ACOXL: variants seen among roughly 807,000 people sequenced by gnomAD.
ACOXL encodes acyl-CoA oxidase like.
ACOXL carries 70 observed loss-of-function variants against 71.9 expected under a neutral mutation model. The ratio of observed to expected loss-of-function variants is 0.97; its 90% CI spans 0.80 to 1.19. ACOXL has a LOEUF of 1.19. ACOXL is among the 50% of genes most tolerant of loss of function. The probability of loss-of-function intolerance (pLI) is 0.00; values close to 1 mark genes in which losing one functional copy is unlikely to be tolerated. For synonymous variants in ACOXL, 253 were observed against 281.6 expected (o/e 0.90, Z 1.02); for missense variants, 703 against 736.3 (o/e 0.95, Z 0.52).
intron 10 of ACOXL, among the ~76,000 whole-genome samples, chr2:110,898,768 G>A (rs1410931781): frequency 6.6e-6 from 1 of 152,110 alleles, no homozygotes; most frequent in African/African-American, 2.4e-5. Flanking sequence ...GAAATGAAAA[G>A]CATATAGATT....
At chr2:111,114,496 G>A (rs1437631675) in intron 17 of ACOXL, among the ~76,000 whole-genome samples, 1 of 152,130 alleles carries the variant, frequency 6.6e-6, no homozygotes, top group Non-Finnish European at 1.5e-5. Context: ...CTAATGAAGG[G>A]ACATTTCAAG....
intron 14 of ACOXL, among the ~76,000 whole-genome samples, chr2:111,013,944 C>T (rs1033636274): frequency 4.6e-5 from 7 of 152,200 alleles, no homozygotes; most frequent in African/African-American, 1.4e-4. Flanking sequence ...ATAGTCAAAA[C>T]ATGTCAATAA....
intron 1 of ACOXL, among the ~76,000 whole-genome samples, chr2:110,754,160 C>T (rs1171647345): frequency 6.6e-6 from 1 of 150,412 alleles, no homozygotes; most frequent in African/African-American, 2.5e-5. Flanking sequence ...ACAGCCTCAA[C>T]ATCCTGGGAT....
intron 15 of ACOXL, among the ~76,000 whole-genome samples, chr2:111,046,405 C>G (rs1279864887): frequency 1.3e-5 from 2 of 152,182 alleles, no homozygotes; most frequent in Non-Finnish European, 1.5e-5. Flanking sequence ...TTAGTTCTTT[C>G]TCATGCTGCT....
At chr2:110,946,048 G>T (rs2061095905) in intron 12 of ACOXL, among the ~76,000 whole-genome samples, 1 of 152,130 alleles carries the variant, frequency 6.6e-6, no homozygotes, top group Non-Finnish European at 1.5e-5. Flanking sequence ...AATTCTTATT[G>T]TAGAGATCTT....
intron 10 of ACOXL, among the ~76,000 whole-genome samples, chr2:110,877,464 A>G (rs1005188464): frequency 1.3e-5 from 2 of 152,222 alleles, no homozygotes; most frequent in Non-Finnish European, 2.9e-5. Context: ...TTAACAAGAA[A>G]TCACATTTCT....
At chr2:111,040,788 C>T (rs1427020654) in intron 15 of ACOXL, among the ~76,000 whole-genome samples, 1 of 152,102 alleles carries the variant, frequency 6.6e-6, no homozygotes, top group African/African-American at 2.4e-5. Flanking sequence ...GCATGAAGTG[C>T]GTGGATGACT....
chr2:111,045,348 T>C (rs1202406305), intron 15 of ACOXL, among the ~76,000 whole-genome samples: 2 of 152,342 alleles, frequency 1.3e-5, no homozygotes, highest in East Asian at 3.9e-4. Context: ...CAACTTGTCA[T>C]GAGGCTTCTC....
chr2:111,058,843 T>C (rs554867781), intron 16 of ACOXL, among the ~76,000 whole-genome samples: 3 of 152,296 alleles, frequency 2.0e-5, no homozygotes, highest in Non-Finnish European at 4.4e-5. Flanking sequence ...ATGGCCACCA[T>C]GAAGGCCCCA....
intron 14 of ACOXL, among the ~76,000 whole-genome samples, chr2:111,027,162 C>T (rs986255874): frequency 6.6e-6 from 1 of 152,026 alleles, no homozygotes; most frequent in Non-Finnish European, 1.5e-5. Context: ...CTCTAAAGTG[C>T]TGGGATTACA....
chr2:110,896,577 T>C (rs2059016281), intron 10 of ACOXL, among the ~76,000 whole-genome samples: 1 of 152,202 alleles, frequency 6.6e-6, no homozygotes, highest in Non-Finnish European at 1.5e-5. Flanking sequence ...AAGGAGTGGC[T>C]ACTTAAATTT....
intron 12 of ACOXL, among the ~76,000 whole-genome samples, chr2:110,952,189 T>TAA (rs2061354692): frequency 6.6e-6 from 1 of 152,240 alleles, no homozygotes; most frequent in African/African-American, 2.4e-5. Context: ...TTTTCTGTTC[T>TAA]TGAGTCTGTT....
rs5833388 is a variant in ACOXL, at chr2:111,109,444, ATT to A, written c.1543-8164_1543-8163del. 8.5e-3 allele frequency among the ~76,000 whole-genome samples: 1,283 copies of A among 150,690 alleles called. 16 individuals are homozygous for A. The highest frequency in any genetic ancestry group is 0.029 in the African/African-American group (1,211 of 41,070). ...CCCACATGGTACTGATGGCCTGTTC[ATT>A]TTTTTTTCTCTTTGCCCCATTTGGA... On this transcript the variant is annotated intron_variant, in intron 17 of 17. Coordinates refer to ENST00000439055, the MANE Select transcript of ACOXL (RefSeq NM_001142807.4).
chr2:111,115,905 A>G lies in ACOXL; in HGVS notation c.1543-1711A>G, dbSNP rs542195090. 2.6e-5 allele frequency among the ~76,000 whole-genome samples: 4 copies of G among 152,042 alleles called. 1 individual carries two copies. In the East Asian group the frequency reaches 7.7e-4, roughly 29 times the overall value. On this transcript the variant is annotated intron_variant, in intron 17 of 17. Transcript: ENST00000439055. ...TCCTTTTCAAGTTTATTTTTTTAAA[A>G]TTTTCTTTATATTGAAATCTGCCTC...
At chr2:110,846,790 G>T (rs1260125470) in intron 10 of ACOXL, among the ~76,000 whole-genome samples, 1 of 151,876 alleles carries the variant, frequency 6.6e-6, no homozygotes, top group African/African-American at 2.4e-5. Flanking sequence ...TGTGTGTTGG[G>T]GGGGGTGTAT....
chr2:110,780,635 A>G (rs1683205447), intron 2 of ACOXL, among the ~76,000 whole-genome samples: 1 of 152,220 alleles, frequency 6.6e-6, no homozygotes, highest in African/African-American at 2.4e-5. Context: ...AGTTTAACAT[A>G]GATGCCTCAT....
intron 14 of ACOXL, among the ~76,000 whole-genome samples, chr2:111,026,142 C>A (rs981662425): frequency 6.6e-6 from 1 of 152,182 alleles, no homozygotes; most frequent in Non-Finnish European, 1.5e-5. Flanking sequence ...TACCCCAATA[C>A]CGTACTGTTG....
At chr2:110,947,880 C>T (rs559245232) in intron 12 of ACOXL, among the ~76,000 whole-genome samples, 1 of 152,366 alleles carries the variant, frequency 6.6e-6, no homozygotes, top group East Asian at 1.9e-4. Flanking sequence ...TCTCCTGGCC[C>T]TTGTGTTACC....
chr2:110,757,655 T>G (rs2104870061), intron 1 of ACOXL, among the ~76,000 whole-genome samples: 1 of 152,346 alleles, frequency 6.6e-6, no homozygotes, highest in South Asian at 2.1e-4. Context: ...TCAGTGATGT[T>G]GAGCCTTTTT....
Sources: gnomAD v4.1 joint callset for allele counts (sites outside exome capture counted in the v4.1 genomes callset) on GRCh38, gnomAD v4.1.1 for gene constraint, MANE v1.5 for transcripts, NCBI Gene and HGNC (gene_info 2026-07-23, HGNC 2026-07-21) for gene names.